The following MGMT variants were observed in gnomAD, a reference collection of about 807,000 sequenced individuals.
MGMT encodes the protein methylated-DNA--protein-cysteine methyltransferase.
Under a neutral mutation model 15.9 loss-of-function variants are expected in MGMT, and 14 were observed. The observed-to-expected ratio is 0.88, with a 90% CI of 0.58 to 1.37. MGMT has a LOEUF of 1.37. Ranked by LOEUF, MGMT falls within the 40% of genes most tolerant of loss-of-function variation. The pLI, the probability that MGMT is intolerant of heterozygous loss-of-function variation, is 0.00. For missense variants in MGMT, 282 were observed against 268.1 expected (o/e 1.05, Z -0.36); for synonymous variants, 130 against 118.2 (o/e 1.10, Z -0.65).
rs1848983962 is a variant in MGMT, at chr10:129,770,039, G to A, written c.*3042G>A. 6.6e-6 allele frequency among the ~76,000 whole-genome samples: 1 copy of A among 152,154 alleles called. No individual in the cohort carries two copies. Among genetic ancestry groups the A allele is most frequent in the East Asian group, 1.9e-4 (1 of 5,188 alleles). On this transcript the variant is annotated 3_prime_UTR_variant, in exon 5 of 5. Transcript: ENST00000651593. ...TCTTACCCAGCAGAAACAGCTTACTGAACACCCCTCGGGTGGCTGGATGAT... is the reference window on the plus strand; with the variant it reads ...TCTTACCCAGCAGAAACAGCTTACTAAACACCCCTCGGGTGGCTGGATGAT...
chr10:129,648,340 A>G (rs1206494036), intron 2 of MGMT, among the ~76,000 whole-genome samples: 1 of 152,234 alleles, frequency 6.6e-6, no homozygotes, highest in Non-Finnish European at 1.5e-5. Flanking sequence ...TAAAGCATCT[A>G]AATGTTTCCA....
intron 3 of MGMT, among the ~76,000 whole-genome samples, chr10:129,749,290 C>A (rs956149431): frequency 1.3e-5 from 2 of 152,072 alleles, no homozygotes; most frequent in African/African-American, 4.8e-5. Flanking sequence ...CTATTCAGTC[C>A]CCCGCTCCTT....
intron 2 of MGMT, among the ~76,000 whole-genome samples, chr10:129,594,501 A>C (rs917005255): frequency 6.6e-6 from 1 of 152,232 alleles, no homozygotes; most frequent in East Asian, 1.9e-4. Context: ...GGGTACTGCT[A>C]TGAGAAGCTG....
At chr10:129,513,739 T>C (rs1845709007) in intron 1 of MGMT, among the ~76,000 whole-genome samples, 1 of 152,230 alleles carries the variant, frequency 6.6e-6, no homozygotes, top group South Asian at 2.1e-4. Context: ...CATGATGCAG[T>C]GAGTTTTATC....
At chr10:129,674,100 T>C (rs1847757594) in intron 2 of MGMT, among the ~76,000 whole-genome samples, 1 of 152,248 alleles carries the variant, frequency 6.6e-6, no homozygotes, top group African/African-American at 2.4e-5. Context: ...CCACTGTCTC[T>C]TTTTATTAAA....
intron 2 of MGMT, among the ~76,000 whole-genome samples, chr10:129,552,761 GAGGA>G (rs1846172166): frequency 6.6e-6 from 1 of 152,242 alleles, no homozygotes; most frequent in Non-Finnish European, 1.5e-5. Context: ...TGATGTCCGT[GAGGA>G]CTGGGCACAG....
chr10:129,537,974 G>A (rs1846003834), intron 2 of MGMT, among the ~76,000 whole-genome samples: 2 of 152,098 alleles, frequency 1.3e-5, no homozygotes, highest in Admixed American at 6.6e-5. Context: ...AAGAAAGGAG[G>A]GCGTGTCATA....
intron 1 of MGMT, among the ~76,000 whole-genome samples, chr10:129,523,233 C>T (rs1405044273): frequency 6.6e-6 from 1 of 152,218 alleles, no homozygotes; most frequent in African/African-American, 2.4e-5. Flanking sequence ...GCGGGAGACC[C>T]GGGCCAGAGC....
chr10:129,542,337 G>A (rs978487954), intron 2 of MGMT, among the ~76,000 whole-genome samples: 5 of 152,154 alleles, frequency 3.3e-5, no homozygotes, highest in Admixed American at 2.0e-4. Context: ...AGTGCCAGTC[G>A]GATGGTTCCT....
chr10:129,587,815 C>T (rs1218828589), intron 2 of MGMT, among the ~76,000 whole-genome samples: 1 of 152,114 alleles, frequency 6.6e-6, no homozygotes, highest in African/African-American at 2.4e-5. Flanking sequence ...TTAATTCTAA[C>T]ATCTTTGTCA....
chr10:129,702,743 C>T (rs1848114162), intron 2 of MGMT, among the ~76,000 whole-genome samples: 1 of 152,220 alleles, frequency 6.6e-6, no homozygotes, highest in Non-Finnish European at 1.5e-5. Flanking sequence ...GCTCCCCCGG[C>T]AAGGATGGGG....
At chr10:129,560,559 C>G (rs1194337329) in intron 2 of MGMT, among the ~76,000 whole-genome samples, 1 of 152,214 alleles carries the variant, frequency 6.6e-6, no homozygotes, top group Non-Finnish European at 1.5e-5. Flanking sequence ...CTTTCAGACT[C>G]TCCTTCGTTC....
At chr10:129,506,188 C>A (rs1845623229) in intron 1 of MGMT, among the ~76,000 whole-genome samples, 1 of 152,098 alleles carries the variant, frequency 6.6e-6, no homozygotes, top group Admixed American at 6.5e-5. Context: ...AACACATGGG[C>A]TAGCCCCACA....
rs370342918 is a variant in MGMT at position 129,741,341 on chromosome 10, C to T, written c.275-17861C>T. Among the ~76,000 whole-genome samples, 7 of 152,294 alleles carry T rather than the reference C, an allele frequency of 4.6e-5. No homozygotes were observed. In the East Asian group the frequency reaches 1.2e-3, roughly 25 times the overall value. ...ACTCTCCCTAAAAGGTTACATTGAA[C>T]GGCAACACCCGGGAGGCTGCTGTTG... On this transcript the variant is annotated intron_variant, in intron 3 of 4. Coordinates refer to ENST00000651593, the MANE Select transcript of MGMT (RefSeq NM_002412.5).
rs999011294 is a variant in MGMT, at chr10:129,767,128, T to G, written c.*131T>G. 1.3e-6 allele frequency: 1 copy of G among 796,244 alleles called. No individual in the cohort carries two copies. 49.3% of individuals were successfully genotyped at this position (796,244 alleles called of 1,614,324 possible). A position where few individuals can be genotyped will look rare whatever the true frequency, so the allele number is the denominator to read the frequency against. On this transcript the variant is annotated 3_prime_UTR_variant, in exon 5 of 5. Transcript: ENST00000651593. The stretch of plus-strand genomic sequence containing the variant: ...AACAAGCGTGTCTGCCCTTTCTGTT[T>G]CCATATTTTACAGCAGGATGAGTTC...
intron 1 of MGMT, among the ~76,000 whole-genome samples, chr10:129,486,482 C>T (rs1032751301): frequency 7.2e-5 from 11 of 152,144 alleles, no homozygotes; most frequent in African/African-American, 2.4e-4. Flanking sequence ...AGCCACTGCG[C>T]CCAGCCGGTT....
At chr10:129,674,371 A>G (rs1313386292) in intron 2 of MGMT, among the ~76,000 whole-genome samples, 1 of 152,154 alleles carries the variant, frequency 6.6e-6, no homozygotes, top group East Asian at 1.9e-4. Context: ...AGCGGTGGGA[A>G]CTGGAAGCCA....
At chr10:129,518,232 G>C (rs1224848463) in intron 1 of MGMT, among the ~76,000 whole-genome samples, 1 of 151,846 alleles carries the variant, frequency 6.6e-6, no homozygotes, top group Non-Finnish European at 1.5e-5. Flanking sequence ...TCTTTCAGCA[G>C]CATTTCACTT....
At chr10:129,646,508 T>C (rs1589912805) in intron 2 of MGMT, among the ~76,000 whole-genome samples, 1 of 151,742 alleles carries the variant, frequency 6.6e-6, no homozygotes, top group Non-Finnish European at 1.5e-5. Flanking sequence ...CCTGTGATCC[T>C]GCACAAATCG....
Sources: allele counts gnomAD v4.1 joint callset (sites outside exome capture counted in the v4.1 genomes callset), GRCh38; gene constraint gnomAD v4.1.1; transcripts MANE v1.5; gene names NCBI Gene and HGNC (gene_info 2026-07-23, HGNC 2026-07-21).